The following LYPD6B variants were observed in gnomAD, a reference collection of about 807,000 sequenced individuals.
The protein encoded by LYPD6B is ly6/PLAUR domain-containing protein 6B.
In LYPD6B, 17 loss-of-function variants were observed where a neutral mutation model predicts 22.8. The observed-to-expected ratio is 0.75, with a 90% CI of 0.51 to 1.12. LYPD6B has a LOEUF of 1.12. Ranked by LOEUF, LYPD6B falls within the 50% of genes most tolerant of loss-of-function variation. The pLI is 0.00. For missense variants in LYPD6B, 221 were observed against 258.3 expected, an observed-to-expected ratio of 0.86 and a Z score of 0.99; for synonymous variants, 106 against 91.6, an observed-to-expected ratio of 1.16 and a Z score of -0.90.
chr2:149,160,458 T>G, intron 2 of LYPD6B: 1 of 496,512 alleles, frequency 2.0e-6, no homozygotes. Flanking sequence ...TAAGCAGCCA[T>G]TTTTGTGGAG....
chr2:149,104,766 T>C (rs80185869), intron 1 of LYPD6B, among the ~76,000 whole-genome samples: 282 of 151,752 alleles, frequency 1.9e-3, no homozygotes, highest in African/African-American at 6.6e-3. Flanking sequence ...TAGTGTTATA[T>C]GTAAGAAATC....
chr2:149,134,794 G>A (rs537066179), intron 2 of LYPD6B, among the ~76,000 whole-genome samples: 1 of 152,304 alleles, frequency 6.6e-6, no homozygotes, highest in South Asian at 2.1e-4. Context: ...TACCAGCCCA[G>A]GGCTACTTGA....
chr2:149,138,656 C>T (rs115638273), intron 2 of LYPD6B, among the ~76,000 whole-genome samples: 1,544 of 152,258 alleles, frequency 0.01, 30 homozygotes, highest in African/African-American at 0.035. Context: ...ATCCTGTCAC[C>T]TCAGGCTCCC....
chr2:149,042,091 T>C (rs1283277112), intron 1 of LYPD6B, among the ~76,000 whole-genome samples: 1 of 152,244 alleles, frequency 6.6e-6, no homozygotes, highest in Non-Finnish European at 1.5e-5. Context: ...ATCATGACTT[T>C]GTTTCAGTAT....
intron 1 of LYPD6B, among the ~76,000 whole-genome samples, chr2:149,080,866 AACCACAC>A (rs1685099304): frequency 7.8e-6 from 1 of 128,464 alleles, no homozygotes; most frequent in Non-Finnish European, 1.7e-5. Context: ...AAAAAAAAAA[AACCACAC>A]AAAAAAATTC....
At chr2:149,122,370 A>G (rs78062282) in intron 1 of LYPD6B, among the ~76,000 whole-genome samples, 2,623 of 150,912 alleles carry the variant, frequency 0.017, 40 homozygotes, top group Non-Finnish European at 0.029. Flanking sequence ...TGATGGAGGC[A>G]TGTTTCTCAT....
intron 3 of LYPD6B, among the ~76,000 whole-genome samples, chr2:149,189,483 T>C (rs1692359266): frequency 6.6e-6 from 1 of 151,466 alleles, no homozygotes; most frequent in Admixed American, 6.6e-5. Context: ...TAATGAATTA[T>C]CTTCTACATA....
chr2:149,120,296 C>CAT (rs1687223947), intron 1 of LYPD6B, among the ~76,000 whole-genome samples: 2 of 112,504 alleles, frequency 1.8e-5, no homozygotes, highest in Admixed American at 1.9e-4. Flanking sequence ...CATGTATATA[C>CAT]ACATATATAT....
chr2:149,063,485 T>A (rs1684187627), intron 1 of LYPD6B, among the ~76,000 whole-genome samples: 1 of 152,244 alleles, frequency 6.6e-6, no homozygotes, highest in Non-Finnish European at 1.5e-5. Flanking sequence ...AATGGCTTGA[T>A]GATGATTTGA....
At chr2:149,124,591 C>T (rs959600357) in intron 1 of LYPD6B, among the ~76,000 whole-genome samples, 6 of 152,218 alleles carry the variant, frequency 3.9e-5, no homozygotes, top group African/African-American at 7.2e-5. Context: ...TTGCATTAGC[C>T]GGGCAACTAT....
intron 1 of LYPD6B, among the ~76,000 whole-genome samples, chr2:149,080,431 G>A (rs1036666301): frequency 6.6e-6 from 1 of 152,150 alleles, no homozygotes; most frequent in African/African-American, 2.4e-5. Flanking sequence ...TACATTTTGT[G>A]GGGGGAGCAC....
chr2:149,210,341 C>G (rs927715810), intron 5 of LYPD6B, among the ~76,000 whole-genome samples: 7 of 152,054 alleles, frequency 4.6e-5, no homozygotes, highest in Admixed American at 4.6e-4. Flanking sequence ...AGAGTCTGCT[C>G]TGCCAAGTCC....
At chr2:149,042,730 T>C (rs1574860873) in intron 1 of LYPD6B, among the ~76,000 whole-genome samples, 1 of 152,086 alleles carries the variant, frequency 6.6e-6, no homozygotes, top group South Asian at 2.1e-4. Flanking sequence ...AAATAAAAAA[T>C]AAAATAGATC....
chr2:149,141,443 C>T (rs1688688818), intron 2 of LYPD6B, among the ~76,000 whole-genome samples: 1 of 152,050 alleles, frequency 6.6e-6, no homozygotes, highest in African/African-American at 2.4e-5. Context: ...CTGGAAATGT[C>T]GTTAGGAATT....
intron 1 of LYPD6B, among the ~76,000 whole-genome samples, chr2:149,104,258 T>G (rs1686359722): frequency 6.6e-6 from 1 of 152,204 alleles, no homozygotes; most frequent in Non-Finnish European, 1.5e-5. Context: ...TCTTTTCTGT[T>G]GGGTAAACAG....
chr2:149,085,483 C>T (rs559036759), intron 1 of LYPD6B, among the ~76,000 whole-genome samples: 6 of 152,174 alleles, frequency 3.9e-5, no homozygotes, highest in African/African-American at 1.4e-4. Flanking sequence ...TTATTTTTTT[C>T]CAGTTTTGAC....
intron 1 of LYPD6B, among the ~76,000 whole-genome samples, chr2:149,048,867 A>G (rs992988360): frequency 6.6e-6 from 1 of 152,112 alleles, no homozygotes; most frequent in Non-Finnish European, 1.5e-5. Context: ...TACACATTTC[A>G]TATGTATAAA....
intron 3 of LYPD6B, among the ~76,000 whole-genome samples, chr2:149,182,233 AT>A (rs1219026671): frequency 2.0e-5 from 3 of 152,260 alleles, no homozygotes; most frequent in Admixed American, 1.3e-4. Context: ...ACTCATTTTA[AT>A]TCTTTATTAT....
At chr2:149,204,045 A>G (rs1693343328) in intron 3 of LYPD6B, among the ~76,000 whole-genome samples, 1 of 150,092 alleles carries the variant, frequency 6.7e-6, no homozygotes, top group Non-Finnish European at 1.5e-5. Context: ...AAACCAGTTG[A>G]TTCAGCAAGA....
Sources: allele counts gnomAD v4.1 joint callset (sites outside exome capture counted in the v4.1 genomes callset), GRCh38; gene constraint gnomAD v4.1.1; transcripts MANE v1.5; gene names NCBI Gene and HGNC (gene_info 2026-07-23, HGNC 2026-07-21).